The following MAPK8IP3 variants were observed in gnomAD, a reference collection of about 807,000 sequenced individuals.
MAPK8IP3 encodes mitogen-activated protein kinase 8 interacting protein 3.
MAPK8IP3 carries 49 observed loss-of-function variants against 157.8 expected under a neutral mutation model. That is an observed-to-expected ratio of 0.31 (90% confidence interval 0.25 to 0.39). MAPK8IP3 has a LOEUF of 0.39. Among genes scored for constraint, MAPK8IP3 ranks in the 10% least tolerant of loss-of-function variants. The probability of loss-of-function intolerance (pLI) is 1.00; values close to 1 mark genes in which losing one functional copy is unlikely to be tolerated. For missense variants in MAPK8IP3, 1,478 were observed against 1,889.4 expected, an observed-to-expected ratio of 0.78 and a Z score of 4.04; for synonymous variants, 897 against 777.7, an observed-to-expected ratio of 1.15 and a Z score of -2.55.
At position 1,763,653 on chromosome 16, in the gene MAPK8IP3, T is replaced by C. The variant is rs2141936027; in HGVS notation, c.1899-4T>C. The C allele has an allele frequency of 3.2e-6, 5 of 1,560,208 alleles. No individual in the cohort carries two copies. The East Asian group carries it at 9.5e-5, about 30-fold the overall frequency. On this transcript the variant is annotated splice_polypyrimidine_tract_variant and splice_region_variant and intron_variant, in intron 16 of 31. Transcript: ENST00000610761. ...GAGACATCACCCATCATTCTTCCACTCAGCGACTGCACGTCCTCCGCCCGT... is the reference window on the plus strand; with the variant it reads ...GAGACATCACCCATCATTCTTCCACCCAGCGACTGCACGTCCTCCGCCCGT...
At chr16:1,745,289 C>G (rs541803912) in intron 5 of MAPK8IP3, 5 of 581,576 alleles carry the variant, frequency 8.6e-6, no homozygotes, top group African/African-American at 8.1e-5. Flanking sequence ...CAGCTACACC[C>G]TGCCTGGCCA....
At chr16:1,737,666 G>T (rs2040104755) in intron 4 of MAPK8IP3, among the ~76,000 whole-genome samples, 1 of 89,448 alleles carries the variant, frequency 1.1e-5, no homozygotes, top group Admixed American at 1.2e-4. Flanking sequence ...GTGAGCGTCC[G>T]TGTGAGCGTG....
rs983200935 is a variant in MAPK8IP3 at position 1,766,947 on chromosome 16, C to T, written c.3064C>T (p.Leu1022=). 4 of 1,593,008 alleles carry T rather than the reference C, an allele frequency of 2.5e-6. No homozygotes were observed. The highest frequency in any genetic ancestry group is 3.4e-6 in the Non-Finnish European group (4 of 1,167,460). The change falls in exon 25 of 32, where the codon CTG becomes TTG. Residue 1022 remains leucine (L), a synonymous_variant. Transcript: ENST00000610761. ...RVLVALADGT[L]AIFHRGEDGQ... ...GCTGGTGGCTCTGGCGGACGGGACCCTGGCCATCTTCCACCGTGGTGAAGG... is the reference window on the plus strand; with the variant it reads ...GCTGGTGGCTCTGGCGGACGGGACCTTGGCCATCTTCCACCGTGGTGAAGG...
chr16:1,711,869 G>A (rs557307383), intron 1 of MAPK8IP3, among the ~76,000 whole-genome samples: 1 of 151,018 alleles, frequency 6.6e-6, no homozygotes, highest in Non-Finnish European at 1.5e-5. Flanking sequence ...GAACACAGGA[G>A]GTAGAGCTTG....
chr16:1,731,745 C>T (rs1011318241), intron 4 of MAPK8IP3, among the ~76,000 whole-genome samples: 5 of 152,168 alleles, frequency 3.3e-5, no homozygotes, highest in South Asian at 2.1e-4. Context: ...TAGAACTGAC[C>T]GGAATGCATG....
At chr16:1,721,288 G>A (rs1419107428) in intron 1 of MAPK8IP3, among the ~76,000 whole-genome samples, 2 of 144,050 alleles carry the variant, frequency 1.4e-5, no homozygotes, top group South Asian at 2.2e-4. Flanking sequence ...AGCTGAGATC[G>A]TGCCATTGCA....
intron 2 of MAPK8IP3, among the ~76,000 whole-genome samples, chr16:1,725,420 G>A (rs1341078132): frequency 6.6e-6 from 1 of 150,978 alleles, no homozygotes; most frequent in Non-Finnish European, 1.5e-5. Context: ...CTGAGCTTAG[G>A]AGTTTAAAAC....
intron 16 of MAPK8IP3, 62 bp downstream of exon 16, chr16:1,763,068 G>A (rs2042046940): frequency 1.9e-6 from 3 of 1,593,388 alleles, no homozygotes; most frequent in Admixed American, 1.7e-5. Flanking sequence ...CTGTCCTGAG[G>A]CTCCTCCCCT....
At chr16:1,728,494 A>G (rs951918343) in intron 2 of MAPK8IP3, among the ~76,000 whole-genome samples, 2 of 152,204 alleles carry the variant, frequency 1.3e-5, no homozygotes, top group African/African-American at 4.8e-5. Context: ...TAGCACAGAG[A>G]GCGCCTGTGG....
rs949934491 is a variant in MAPK8IP3, at chr16:1,741,599, G to T, written c.603-1733G>T. 2.6e-5 allele frequency among the ~76,000 whole-genome samples: 4 copies of T among 152,108 alleles called. No homozygotes were observed. Among genetic ancestry groups the T allele is most frequent in the Non-Finnish European group, 5.9e-5 (4 of 68,004 alleles). ...CTGGGCCTCAGCAGAGGCGCTCCCC[G>T]CACCAGCGTTGGGAGCGCAGTGGAA... On this transcript the variant is annotated intron_variant, in intron 4 of 31. Coordinates refer to ENST00000610761, the MANE Select transcript of MAPK8IP3 (RefSeq NM_001318852.2). The surrounding 1 kb of genome is among the most constrained non-coding windows in gnomAD (Gnocchi z 6.9).
chr16:1,738,831 G>A (rs528965173), intron 4 of MAPK8IP3, among the ~76,000 whole-genome samples: 3 of 142,638 alleles, frequency 2.1e-5, no homozygotes, highest in East Asian at 2.2e-4. Context: ...GTGACCGTCC[G>A]TGTGAGCGTC....
intron 4 of MAPK8IP3, among the ~76,000 whole-genome samples, chr16:1,730,956 A>G (rs1323539873): frequency 2.0e-5 from 3 of 151,834 alleles, no homozygotes; most frequent in Admixed American, 6.6e-5. Flanking sequence ...CCTGGCCAAC[A>G]CGGTGAAACC....
chr16:1,713,221 C>T (rs775908417), intron 1 of MAPK8IP3, among the ~76,000 whole-genome samples: 5 of 152,336 alleles, frequency 3.3e-5, no homozygotes, highest in Middle Eastern at 3.4e-3. Context: ...TTAGGCATGA[C>T]TCATGGAACT....
rs1226098680 is a variant in MAPK8IP3, at chr16:1,741,642, CT to C, written c.603-1689del. ...CAGTGGAAGTGGGGCCAGGAGGCCC[CT>C]GGTGCAGACAGGGCGGTTGAAGCCC... On this transcript the variant is annotated intron_variant, in intron 4 of 31. Coordinates refer to ENST00000610761, the MANE Select transcript of MAPK8IP3 (RefSeq NM_001318852.2). This position sits in a 1 kb window ranked among gnomAD's most constrained non-coding sequence, Gnocchi z 6.9. Among the ~76,000 whole-genome samples the C allele has an allele frequency of 1.3e-5, 2 of 152,096 alleles. No homozygotes were observed. The highest frequency in any genetic ancestry group is 2.9e-5 in the Non-Finnish European group (2 of 67,990).
In MAPK8IP3 at chr16:1,710,827, A is replaced by C. The variant is rs1259420301; in HGVS notation, c.318+4170A>C. Among the ~76,000 whole-genome samples, 1 of 152,256 alleles carries C rather than the reference A, an allele frequency of 6.6e-6. No homozygotes were observed. The highest frequency in any genetic ancestry group is 1.5e-5 in the Non-Finnish European group (1 of 68,042). On this transcript the variant is annotated intron_variant, in intron 1 of 31. Transcript: ENST00000610761. This position sits in a 1 kb window ranked among gnomAD's most constrained non-coding sequence, Gnocchi z 4.1. ...GAAGCTATCAAGATGGGGCTGCCAG[A>C]GCTGCCTTTCCTAGGTGCCTCTGAA...
At chr16:1,737,959 C>T (rs1393569761) in intron 4 of MAPK8IP3, among the ~76,000 whole-genome samples, 1 of 64,830 alleles carries the variant, frequency 1.5e-5, no homozygotes, top group African/African-American at 6.9e-5. Flanking sequence ...TCCGTGTGAG[C>T]GTCCGTGTGA....
intron 4 of MAPK8IP3, chr16:1,734,867 CGTGGCTTA>C (rs1215485609): frequency 1.3e-5 from 2 of 154,180 alleles, no homozygotes; most frequent in Non-Finnish European, 2.9e-5. Flanking sequence ...TCACGCCTGG[CGTGGCTTA>C]GTGAGTGTGT....
Position 1,751,652 on chromosome 16 carries a change from GTGT to G in MAPK8IP3, c.1216+2935_1216+2937del, listed in dbSNP as rs1475064774. ...AGTCCAGTGGGTCTTAGCATGCTCG[GTGT>G]TGACAGTCACATCGTCTTCACCCCC... On this transcript the variant is annotated intron_variant, in intron 8 of 31. Coordinates refer to ENST00000610761, the MANE Select transcript of MAPK8IP3 (RefSeq NM_001318852.2). The surrounding 1 kb of genome is among the most constrained non-coding windows in gnomAD (Gnocchi z 5.0). The G allele has an allele frequency of 6.6e-6, 1 of 152,184 alleles. No homozygotes were observed. Among genetic ancestry groups the G allele is most frequent in the Non-Finnish European group, 1.5e-5 (1 of 68,068 alleles). 9.4% of individuals were successfully genotyped at this position (152,184 alleles called of 1,614,324 possible). A position where few individuals can be genotyped will look rare whatever the true frequency, so the allele number is the denominator to read the frequency against.
At chr16:1,744,256 G>A (rs923802424) in intron 5 of MAPK8IP3, 7 of 985,538 alleles carry the variant, frequency 7.1e-6, no homozygotes, top group Admixed American at 6.1e-5. Context: ...CACAGGGGCC[G>A]TCAGAGGATG....
Sources: allele counts gnomAD v4.1 joint callset (sites outside exome capture counted in the v4.1 genomes callset), GRCh38; gene constraint gnomAD v4.1.1; non-coding constraint Gnocchi (gnomAD v3.1); transcripts MANE v1.5; gene names NCBI Gene and HGNC (gene_info 2026-07-23, HGNC 2026-07-21).